Variants in SH2D4A observed in about 807,000 individuals in gnomAD.
SH2D4A encodes SH2 domain containing 4A, also known as SH2 domain-containing protein 4A.
Under a neutral mutation model 64.7 loss-of-function variants are expected in SH2D4A, and 70 were observed. That is an observed-to-expected ratio of 1.08 (90% CI 0.89 to 1.32). The LOEUF (loss-of-function observed/expected upper bound fraction) is 1.32, where lower values mean the gene tolerates loss of function less well. SH2D4A is among the 40% of genes most tolerant of loss of function. The pLI, the probability that SH2D4A is intolerant of heterozygous loss-of-function variation, is 0.00. For missense variants in SH2D4A, 706 were observed against 540.1 expected, an observed-to-expected ratio of 1.31 and a Z score of -3.04; for synonymous variants, 268 against 200.7, an observed-to-expected ratio of 1.34 and a Z score of -2.83.
At chr8:19,343,765 G>A (rs748923626) in intron 4 of SH2D4A, among the ~76,000 whole-genome samples, 19 of 152,126 alleles carry the variant, frequency 1.2e-4, no homozygotes, top group Non-Finnish European at 2.6e-4. Flanking sequence ...CACGAGGAAG[G>A]CATAAGATGA....
At chr8:19,320,992 C>CT (rs1189081232) in intron 2 of SH2D4A, among the ~76,000 whole-genome samples, 3 of 152,134 alleles carry the variant, frequency 2.0e-5, no homozygotes, top group Non-Finnish European at 4.4e-5. Context: ...TTTATTAAAA[C>CT]TTTTTTCCAG....
rs2053536697 is a variant in SH2D4A at position 19,393,637 on chromosome 8, G to A, written c.1272+96G>A. On this transcript the variant is annotated intron_variant, in intron 9 of 9. Transcript: ENST00000265807. ...ATTACAAAGAAAAGGACTGAGACAA[G>A]TACTGGGGAGGGGACAGGGGTGGGG... 3.3e-6 allele frequency: 4 copies of A among 1,212,880 alleles called. No individual in the cohort carries two copies. In the East Asian group the frequency reaches 7.5e-5, roughly 23 times the overall value. The allele number at this position is 1,212,880 out of a possible 1,614,324, so 75.1% of individuals were successfully genotyped here.
intron 4 of SH2D4A, among the ~76,000 whole-genome samples, chr8:19,346,398 A>G (rs777705867): frequency 1.3e-5 from 2 of 152,168 alleles, no homozygotes; most frequent in African/African-American, 2.4e-5. Flanking sequence ...CATGTGAGGG[A>G]TCTAGGTTGC....
intron 4 of SH2D4A, among the ~76,000 whole-genome samples, chr8:19,335,837 C>T (rs2052437127): frequency 1.3e-5 from 2 of 152,116 alleles, no homozygotes; most frequent in South Asian, 4.1e-4. Flanking sequence ...ACATAATTTG[C>T]TGGTTGGATT....
chr8:19,366,425 G>A (rs992599435), intron 7 of SH2D4A, among the ~76,000 whole-genome samples: 6 of 152,074 alleles, frequency 3.9e-5, no homozygotes, highest in African/African-American at 1.4e-4. Context: ...CTGTAACTGC[G>A]CCAGTTGACC....
chr8:19,366,426 C>T (rs1043843060), intron 7 of SH2D4A, among the ~76,000 whole-genome samples: 1 of 152,222 alleles, frequency 6.6e-6, no homozygotes, highest in Admixed American at 6.5e-5. Context: ...TGTAACTGCG[C>T]CAGTTGACCA....
chr8:19,345,791 A>T (rs73599077), intron 4 of SH2D4A, among the ~76,000 whole-genome samples: 2,185 of 152,294 alleles, frequency 0.014, 48 homozygotes, highest in African/African-American at 0.049. Context: ...TACCAGTGTA[A>T]CCCAAGTTAT....
At chr8:19,363,039 A>G (rs1450652097) in intron 6 of SH2D4A, among the ~76,000 whole-genome samples, 4 of 151,680 alleles carry the variant, frequency 2.6e-5, no homozygotes, top group Non-Finnish European at 5.9e-5. Flanking sequence ...CCTCTATACC[A>G]TATTTTTACT....
chr8:19,337,380 C>A (rs868293915), intron 4 of SH2D4A, among the ~76,000 whole-genome samples: 1 of 151,994 alleles, frequency 6.6e-6, no homozygotes, highest in Non-Finnish European at 1.5e-5. Flanking sequence ...ATTTATCCCC[C>A]GAAATTTATG....
At chr8:19,356,445 G>A (rs1326766013) in intron 4 of SH2D4A, among the ~76,000 whole-genome samples, 1 of 152,174 alleles carries the variant, frequency 6.6e-6, no homozygotes, top group Admixed American at 6.5e-5. Flanking sequence ...AGGTATATCT[G>A]GGTACTCAGG....
At chr8:19,349,721 T>C (rs2052667074) in intron 4 of SH2D4A, among the ~76,000 whole-genome samples, 1 of 152,234 alleles carries the variant, frequency 6.6e-6, no homozygotes, top group South Asian at 2.1e-4. Context: ...TTGTAAAGCA[T>C]TACATATGAT....
At chr8:19,341,769 G>C (rs78444442) in intron 4 of SH2D4A, among the ~76,000 whole-genome samples, 10,520 of 150,858 alleles carry the variant, frequency 0.07, 685 homozygotes, top group African/African-American at 0.16. Flanking sequence ...TTTAGCTGAG[G>C]AGGCAGAAGT....
chr8:19,378,381 T>A (rs916001351), intron 8 of SH2D4A, among the ~76,000 whole-genome samples: 8 of 152,206 alleles, frequency 5.3e-5, no homozygotes, highest in African/African-American at 1.9e-4. Flanking sequence ...GAGACTCTAT[T>A]TATTATGTAA....
At chr8:19,313,968 C>G in intron 1 of SH2D4A, 145 bp downstream of exon 1, 2 of 1,258,490 alleles carry the variant, frequency 1.6e-6, no homozygotes, top group Non-Finnish European at 1.0e-6. Flanking sequence ...CCCGCCTCCA[C>G]CCCTTCGCGG....
chr8:19,391,791 G>A (rs2153652553), intron 8 of SH2D4A, among the ~76,000 whole-genome samples: 1 of 152,338 alleles, frequency 6.6e-6, no homozygotes, highest in East Asian at 1.9e-4. Flanking sequence ...TCTGGAGAGA[G>A]TTCACTTCTC....
chr8:19,350,685 T>A (rs765108966), intron 4 of SH2D4A, among the ~76,000 whole-genome samples: 1 of 152,162 alleles, frequency 6.6e-6, no homozygotes, highest in Admixed American at 6.5e-5. Context: ...GGTTTCACCA[T>A]GTTGCCCAGG....
At chr8:19,334,270 T>A (rs939095093) in intron 3 of SH2D4A, among the ~76,000 whole-genome samples, 4 of 152,208 alleles carry the variant, frequency 2.6e-5, no homozygotes, top group Non-Finnish European at 5.9e-5. Flanking sequence ...AGGGCTGGGA[T>A]GCTGCCCACT....
chr8:19,347,710 A>T (rs2052634690), intron 4 of SH2D4A, among the ~76,000 whole-genome samples: 1 of 152,202 alleles, frequency 6.6e-6, no homozygotes, highest in African/African-American at 2.4e-5. Context: ...CACACTGCAA[A>T]ACAGGAGATA....
chr8:19,321,037 A>G (rs761499927), intron 2 of SH2D4A, among the ~76,000 whole-genome samples: 1 of 152,208 alleles, frequency 6.6e-6, no homozygotes, highest in South Asian at 2.1e-4. Context: ...ATAAACAGAA[A>G]TATGTCATTT....
Sources: gnomAD v4.1 joint callset for allele counts (sites outside exome capture counted in the v4.1 genomes callset) on GRCh38, gnomAD v4.1.1 for gene constraint, MANE v1.5 for transcripts, NCBI Gene and HGNC (gene_info 2026-07-23, HGNC 2026-07-21) for gene names.